SCNN1B: variants seen among roughly 807,000 people sequenced by gnomAD.
The protein encoded by SCNN1B is sodium channel epithelial 1 subunit beta.
SCNN1B carries 46 observed loss-of-function variants against 65.3 expected under a neutral mutation model. The ratio of observed to expected loss-of-function variants is 0.70; its 90% CI spans 0.56 to 0.90. The LOEUF (loss-of-function observed/expected upper bound fraction) is 0.90, where lower values mean the gene tolerates loss of function less well. Ranked by LOEUF, SCNN1B falls within the 40% of genes least tolerant of loss-of-function variation. The pLI is 0.00. For missense variants in SCNN1B, 751 were observed against 830.5 expected, an observed-to-expected ratio of 0.90 and a Z score of 1.18; for synonymous variants, 349 against 330.6, an observed-to-expected ratio of 1.06 and a Z score of -0.60.
At chr16:23,301,359 C>CAAAAAAAAAAAAA (rs369302758), upstream of SCNN1B, among the ~76,000 whole-genome samples, 2 of 120,410 alleles carry the variant, frequency 1.7e-5, no homozygotes, top group African/African-American at 7.3e-5. Flanking sequence ...GAGACTCTGT[C>CAAAAAAAAAAAAA]AAAAAAAAAA....
intron 2 of SCNN1B, among the ~76,000 whole-genome samples, chr16:23,287,680 G>A (rs977406310): frequency 1.3e-5 from 2 of 152,016 alleles, no homozygotes; most frequent in Admixed American, 6.6e-5. Flanking sequence ...GGAGGTTGAG[G>A]CTCCAGTGAG....
intron 2 of SCNN1B, among the ~76,000 whole-genome samples, chr16:23,352,191 C>T (rs1185046428): frequency 1.3e-5 from 2 of 152,238 alleles, no homozygotes; most frequent in Non-Finnish European, 2.9e-5. Flanking sequence ...CTGTGCCTTG[C>T]ACAGTGCCTG....
chr16:23,295,396 G>A (rs545787564), intron 2 of SCNN1B, among the ~76,000 whole-genome samples: 21 of 151,334 alleles, frequency 1.4e-4, no homozygotes, highest in Admixed American at 1.1e-3. Context: ...TTTATTTTTT[G>A]TAGAGGTGGG....
chr16:23,353,160 C>T (rs1035496733), intron 3 of SCNN1B, 86 bp downstream of exon 3: 17 of 1,447,050 alleles, frequency 1.2e-5, no homozygotes, highest in South Asian at 8.0e-5. Flanking sequence ...ATTTGAGTCT[C>T]GCTGGGGGAA....
chr16:23,365,440 A>G (rs1192590417), intron 4 of SCNN1B, among the ~76,000 whole-genome samples: 1 of 148,476 alleles, frequency 6.7e-6, no homozygotes, highest in African/African-American at 2.6e-5. Context: ...GAAGGAAGAA[A>G]GAAAGAAAGA....
chr16:23,301,352 ACT>A (rs1383058778), upstream of SCNN1B, among the ~76,000 whole-genome samples: 1 of 121,982 alleles, frequency 8.2e-6, no homozygotes, highest in East Asian at 2.9e-4. Flanking sequence ...ACAGAGTGAG[ACT>A]CTGTCAAAAA....
chr16:23,303,114 T>G (rs1379819160), intron 1 of SCNN1B, among the ~76,000 whole-genome samples: 1 of 152,108 alleles, frequency 6.6e-6, no homozygotes. Context: ...AAGTGCTAAG[T>G]TGATGTCTGG....
intron 3 of SCNN1B, among the ~76,000 whole-genome samples, chr16:23,354,179 C>A (rs1268027809): frequency 6.6e-6 from 1 of 152,186 alleles, no homozygotes; most frequent in Non-Finnish European, 1.5e-5. Flanking sequence ...ACCTCCTGGG[C>A]CTCAATTTCC....
upstream of SCNN1B, among the ~76,000 whole-genome samples, chr16:23,300,121 C>T (rs1312470828): frequency 1.3e-5 from 2 of 152,120 alleles, no homozygotes; most frequent in Non-Finnish European, 2.9e-5. Context: ...TGTTCTCACT[C>T]ATAAGTGGGA....
intron 5 of SCNN1B, among the ~76,000 whole-genome samples, chr16:23,370,237 T>C (rs368548195): frequency 2.6e-5 from 4 of 152,164 alleles, no homozygotes; most frequent in African/African-American, 9.6e-5. Context: ...TCCCGAGTAG[T>C]TGGGATTACA....
chr16:23,318,473 G>A (rs1255975157), intron 1 of SCNN1B, among the ~76,000 whole-genome samples: 1 of 152,158 alleles, frequency 6.6e-6, no homozygotes, highest in East Asian at 1.9e-4. Flanking sequence ...GCCGGACGTG[G>A]TGGCGGACGC....
At chr16:23,307,519 C>T (rs1961245881) in intron 1 of SCNN1B, among the ~76,000 whole-genome samples, 1 of 152,052 alleles carries the variant, frequency 6.6e-6, no homozygotes, top group African/African-American at 2.4e-5. Flanking sequence ...GAGGTTTCAC[C>T]ATGTTGGCCA....
intron 1 of SCNN1B, among the ~76,000 whole-genome samples, chr16:23,338,611 A>G (rs546187223): frequency 9.2e-5 from 14 of 152,344 alleles, no homozygotes; most frequent in Admixed American, 3.9e-4. Flanking sequence ...AGATGTCCAC[A>G]TGAGCCAGAG....
upstream of SCNN1B, among the ~76,000 whole-genome samples, chr16:23,299,173 C>A (rs1181924634): frequency 6.6e-6 from 1 of 151,542 alleles, no homozygotes; most frequent in African/African-American, 2.4e-5. Context: ...GATTCTCCCA[C>A]CTCAGCCTCT....
intron 2 of SCNN1B, among the ~76,000 whole-genome samples, chr16:23,284,441 A>C (rs1960824130): frequency 6.6e-6 from 1 of 152,110 alleles, no homozygotes; most frequent in Admixed American, 6.6e-5. Context: ...TAAGAAAATA[A>C]ATAAAATAAA....
At chr16:23,365,577 AAG>A (rs1403211879) in intron 4 of SCNN1B, among the ~76,000 whole-genome samples, 5 of 85,970 alleles carry the variant, frequency 5.8e-5, no homozygotes, top group Admixed American at 2.2e-4. Context: ...GAAAGAAAGA[AAG>A]AAAGAAAGAG....
At chr16:23,306,703 G>A (rs1466988492) in intron 1 of SCNN1B, among the ~76,000 whole-genome samples, 2 of 152,218 alleles carry the variant, frequency 1.3e-5, no homozygotes, top group Non-Finnish European at 2.9e-5. Flanking sequence ...TTCTGGAGCA[G>A]TGGAGTGAGA....
intron 1 of SCNN1B, among the ~76,000 whole-genome samples, chr16:23,316,725 C>T (rs1262484876): frequency 1.3e-5 from 2 of 148,398 alleles, no homozygotes; most frequent in Non-Finnish European, 3.0e-5. Flanking sequence ...ATCACCCTCA[C>T]CATCTCCTCT....
chr16:23,309,066 A>G (rs1047680786), intron 1 of SCNN1B, among the ~76,000 whole-genome samples: 7 of 152,186 alleles, frequency 4.6e-5, no homozygotes, highest in African/African-American at 1.7e-4. Context: ...CTCAGCAAAG[A>G]CATAATCTGG....
Sources: allele counts gnomAD v4.1 joint callset (sites outside exome capture counted in the v4.1 genomes callset), GRCh38; gene constraint gnomAD v4.1.1; transcripts MANE v1.5; gene names NCBI Gene and HGNC (gene_info 2026-07-23, HGNC 2026-07-21).